Variants in MAGI2 observed in about 807,000 individuals in gnomAD.
MAGI2 encodes the protein membrane associated guanylate kinase, WW and PDZ domain containing 2, also known as membrane-associated guanylate kinase, WW and PDZ domain-containing protein 2.
A neutral mutation model predicts 133.3 loss-of-function variants in MAGI2; 35 were observed. That is an observed-to-expected ratio of 0.26 (90% CI 0.20 to 0.35). MAGI2 has a LOEUF of 0.35. MAGI2 is among the 10% of genes least tolerant of loss of function. The probability of loss-of-function intolerance (pLI) is 1.00; values close to 1 mark genes in which losing one functional copy is unlikely to be tolerated. For missense variants in MAGI2, 1,636 were observed against 1,863.4 expected (o/e 0.88, Z 2.25); for synonymous variants, 729 against 710.6 (o/e 1.03, Z -0.41).
chr7:78,742,283 G>T (rs372869788), intron 2 of MAGI2, among the ~76,000 whole-genome samples: 1 of 152,032 alleles, frequency 6.6e-6, no homozygotes, highest in Non-Finnish European at 1.5e-5. Flanking sequence ...TCCTCCAGCT[G>T]GGACTACACT....
At chr7:79,154,274 T>A (rs1479256944) in intron 1 of MAGI2, among the ~76,000 whole-genome samples, 1 of 152,232 alleles carries the variant, frequency 6.6e-6, no homozygotes, top group Non-Finnish European at 1.5e-5. Context: ...TCAAGAAGTC[T>A]TGCCTTCAGC....
chr7:79,022,174 A>G (rs567981189), intron 1 of MAGI2, among the ~76,000 whole-genome samples: 1 of 152,328 alleles, frequency 6.6e-6, no homozygotes, highest in South Asian at 2.1e-4. Context: ...ATGAAAATGG[A>G]CTAATACAGA....
At chr7:78,652,784 G>A (rs1029956540) in intron 2 of MAGI2, among the ~76,000 whole-genome samples, 2 of 152,092 alleles carry the variant, frequency 1.3e-5, no homozygotes. Flanking sequence ...ATTGACAAAT[G>A]GGTTCTAATT....
At chr7:79,379,700 C>A (rs950754658) in intron 1 of MAGI2, among the ~76,000 whole-genome samples, 7 of 151,928 alleles carry the variant, frequency 4.6e-5, no homozygotes, top group African/African-American at 1.7e-4. Context: ...ATTTGCATTT[C>A]TCTGATGGCC....
intron 2 of MAGI2, among the ~76,000 whole-genome samples, chr7:78,967,412 T>A (rs946087272): frequency 6.6e-6 from 1 of 152,056 alleles, no homozygotes; most frequent in Non-Finnish European, 1.5e-5. Context: ...GTCTTTTTAT[T>A]GTGTCAATTG....
chr7:79,096,738 A>C (rs1817554222), intron 1 of MAGI2, among the ~76,000 whole-genome samples: 1 of 152,110 alleles, frequency 6.6e-6, no homozygotes, highest in African/African-American at 2.4e-5. Context: ...AAAAACCCTA[A>C]ATAAACACAG....
chr7:78,551,016 T>C (rs1315246060), intron 3 of MAGI2, among the ~76,000 whole-genome samples: 1 of 152,212 alleles, frequency 6.6e-6, no homozygotes, highest in Non-Finnish European at 1.5e-5. Flanking sequence ...AATTAATAAA[T>C]AATAATTACT....
intron 1 of MAGI2, among the ~76,000 whole-genome samples, chr7:79,105,445 C>A (rs1382539793): frequency 7.2e-5 from 11 of 152,058 alleles, no homozygotes; most frequent in Non-Finnish European, 1.3e-4. Context: ...TTACTTGCAC[C>A]ATATAGGACT....
intron 1 of MAGI2, among the ~76,000 whole-genome samples, chr7:79,114,610 C>G (rs2191806): frequency 0.64 from 97,500 of 152,078 alleles, 36,593 homozygotes; most frequent in Non-Finnish European, 0.83. Flanking sequence ...TCAAATCTAC[C>G]AACATTCTGT....
At chr7:78,659,978 T>C (rs938081690) in intron 2 of MAGI2, among the ~76,000 whole-genome samples, 1 of 152,186 alleles carries the variant, frequency 6.6e-6, no homozygotes, top group African/African-American at 2.4e-5. Flanking sequence ...TTTAGGGGCA[T>C]GGATGAAGCT....
At chr7:78,404,559 G>C (rs569613452) in intron 6 of MAGI2, among the ~76,000 whole-genome samples, 17 of 151,950 alleles carry the variant, frequency 1.1e-4, no homozygotes, top group African/African-American at 4.1e-4. Flanking sequence ...ACAAAAAGAA[G>C]AAATGGGGAA....
At chr7:79,353,231 G>C (rs929902631) in intron 1 of MAGI2, among the ~76,000 whole-genome samples, 1 of 152,070 alleles carries the variant, frequency 6.6e-6, no homozygotes, top group African/African-American at 2.4e-5. Context: ...ATGCGGCTCA[G>C]AGTCTAGGGA....
At chr7:79,144,075 T>C (rs911079976) in intron 1 of MAGI2, among the ~76,000 whole-genome samples, 1 of 152,184 alleles carries the variant, frequency 6.6e-6, no homozygotes, top group Non-Finnish European at 1.5e-5. Flanking sequence ...TTTCCTCATC[T>C]GTAAAGTGGG....
intron 1 of MAGI2, among the ~76,000 whole-genome samples, chr7:79,372,264 G>A (rs76404485): frequency 1.3e-5 from 2 of 152,170 alleles, no homozygotes; most frequent in East Asian, 3.9e-4. Context: ...GGTTATGACA[G>A]TCACAATTCA....
At chr7:78,498,368 T>C (rs1584403767) in intron 5 of MAGI2, among the ~76,000 whole-genome samples, 1 of 152,224 alleles carries the variant, frequency 6.6e-6, no homozygotes, top group Non-Finnish European at 1.5e-5. Context: ...TTCTACAAGA[T>C]CTGCTTCTAC....
chr7:78,060,613 C>T (rs892039988), intron 21 of MAGI2, among the ~76,000 whole-genome samples: 19 of 152,152 alleles, frequency 1.2e-4, no homozygotes, highest in Admixed American at 5.2e-4. Flanking sequence ...CTGAGAGATC[C>T]CTTCTGATTG....
At chr7:79,177,971 G>C (rs1826260285) in intron 1 of MAGI2, among the ~76,000 whole-genome samples, 1 of 152,010 alleles carries the variant, frequency 6.6e-6, no homozygotes, top group Non-Finnish European at 1.5e-5. Context: ...TAAGCACTGT[G>C]TTAAGACTAC....
At chr7:79,005,417 G>C (rs1382722962) in intron 2 of MAGI2, among the ~76,000 whole-genome samples, 2 of 152,018 alleles carry the variant, frequency 1.3e-5, no homozygotes, top group African/African-American at 4.8e-5. Context: ...TATAAGTCTA[G>C]CTGTTTTACC....
chr7:78,803,160 A>G (rs1309137754), intron 2 of MAGI2, among the ~76,000 whole-genome samples: 2 of 152,202 alleles, frequency 1.3e-5, no homozygotes, highest in Non-Finnish European at 2.9e-5. Flanking sequence ...CTTTTGTCCT[A>G]AATTAAACAC....
Sources: gnomAD v4.1 joint callset for allele counts (sites outside exome capture counted in the v4.1 genomes callset) on GRCh38, gnomAD v4.1.1 for gene constraint, MANE v1.5 for transcripts, NCBI Gene and HGNC (gene_info 2026-07-23, HGNC 2026-07-21) for gene names.